Variants in POC5 observed in about 807,000 individuals in gnomAD.
The protein encoded by POC5 is centrosomal protein POC5.
Under a neutral mutation model 62.9 loss-of-function variants are expected in POC5, and 48 were observed. The observed-to-expected ratio is 0.76, with a 90% CI of 0.61 to 0.97. The LOEUF (loss-of-function observed/expected upper bound fraction) is 0.97. Among genes scored for constraint, POC5 ranks in the 50% least tolerant of loss-of-function variants. The probability of loss-of-function intolerance (pLI) is 0.00; values close to 1 mark genes in which losing one functional copy is unlikely to be tolerated. For synonymous variants in POC5, 236 were observed against 228.2 expected, an observed-to-expected ratio of 1.03 and a Z score of -0.31; for missense variants, 696 against 679.5, an observed-to-expected ratio of 1.02 and a Z score of -0.27.
intron 6 of POC5, 144 bp from the exon 7 acceptor site, chr5:75,692,644 A>G (rs1024636830): frequency 1.7e-5 from 7 of 416,972 alleles, no homozygotes; most frequent in Non-Finnish European, 4.2e-6. Context: ...ATTATCTTTA[A>G]AAAGATGGTA....
In POC5 at chr5:75,685,345, G is replaced by A. The variant is rs571036542; in HGVS notation, c.1269C>T (p.Ala423=). 1.4e-5 allele frequency: 22 copies of A among 1,614,030 alleles called. No homozygotes were observed. Among genetic ancestry groups the A allele is most frequent in the East Asian group, 6.7e-5 (3 of 44,886 alleles). ...CGGCAGTCGCGCTGGCTCCTCCGAC[G>A]GCGGCTGGTGGGGATGGCAGCAGTG... ...TSPLLPSPPA[A]VGGASATAVP... The change falls in exon 10 of 12, where the codon GCC becomes GCT. Residue 423 remains alanine (A), a synonymous_variant. Transcript: ENST00000428202.
chr5:75,706,732 G>A (rs1198613421), intron 3 of POC5, among the ~76,000 whole-genome samples: 1 of 151,906 alleles, frequency 6.6e-6, no homozygotes, highest in Non-Finnish European at 1.5e-5. Flanking sequence ...TAATTTTTTT[G>A]TAGAGCTAGG....
At chr5:75,699,199 T>G (rs1290561550) in intron 5 of POC5, among the ~76,000 whole-genome samples, 1 of 152,008 alleles carries the variant, frequency 6.6e-6, no homozygotes, top group Non-Finnish European at 1.5e-5. Context: ...AAAGAGGGAA[T>G]CCTCCCTAAC....
chr5:75,707,621 C>T, intron 3 of POC5, 116 bp downstream of exon 3: 1 of 786,870 alleles, frequency 1.3e-6, no homozygotes, highest in Non-Finnish European at 2.0e-6. Flanking sequence ...TACTAATACA[C>T]ATAAATGGTT....
At chr5:75,680,571 G>A (rs1247668505) in intron 10 of POC5, among the ~76,000 whole-genome samples, 1 of 151,982 alleles carries the variant, frequency 6.6e-6, no homozygotes, top group East Asian at 1.9e-4. Context: ...TTTGTCACTT[G>A]TACTTGTTAA....
At chr5:75,685,068 C>T (rs1047453992) in intron 10 of POC5, 139 bp downstream of exon 10, 26 of 892,190 alleles carry the variant, frequency 2.9e-5, no homozygotes, top group Non-Finnish European at 3.6e-5. Context: ...GGGGTTTCAC[C>T]GTGTTAGCCA....
chr5:75,690,182 A>T (rs758297719), intron 8 of POC5, among the ~76,000 whole-genome samples: 4 of 152,190 alleles, frequency 2.6e-5, no homozygotes, highest in Non-Finnish European at 5.9e-5. Context: ...CCCAACTAAT[A>T]ATTTCAATTT....
At chr5:75,700,030 C>T (rs908361095) in intron 5 of POC5, among the ~76,000 whole-genome samples, 3 of 151,712 alleles carry the variant, frequency 2.0e-5, no homozygotes, top group African/African-American at 4.8e-5. Context: ...AGGACCTCTT[C>T]AAGGAGAACT....
intron 4 of POC5, chr5:75,705,270 T>C (rs1289046150): frequency 6.6e-6 from 1 of 152,466 alleles, no homozygotes; most frequent in Non-Finnish European, 1.5e-5. Flanking sequence ...AATCTTCCCT[T>C]TTAACAAAGA....
At chr5:75,705,020 T>C (rs1433671916) in intron 4 of POC5, among the ~76,000 whole-genome samples, 1 of 151,988 alleles carries the variant, frequency 6.6e-6, no homozygotes, top group Non-Finnish European at 1.5e-5. Flanking sequence ...GGCAACATAG[T>C]GAGATCCCAC....
intron 5 of POC5, among the ~76,000 whole-genome samples, chr5:75,701,600 TG>T (rs1385032898): frequency 7.0e-6 from 1 of 143,256 alleles, no homozygotes; most frequent in Non-Finnish European, 1.5e-5. Context: ...GGGATAGCAT[TG>T]GGAGATATAC....
chr5:75,708,321 T>G (rs1777207388), intron 2 of POC5, among the ~76,000 whole-genome samples: 1 of 152,150 alleles, frequency 6.6e-6, no homozygotes, highest in Admixed American at 6.5e-5. Flanking sequence ...CACCCCAGCC[T>G]GGGTGACAGA....
chr5:75,679,798 C>G (rs1311419843), intron 10 of POC5, among the ~76,000 whole-genome samples: 2 of 151,922 alleles, frequency 1.3e-5, no homozygotes, highest in African/African-American at 2.4e-5. Context: ...ATCAGGAGGC[C>G]AAGTCCTCTT....
intron 10 of POC5, 36 bp from the exon 11 acceptor site, chr5:75,677,986 G>T: frequency 7.0e-7 from 1 of 1,425,428 alleles, no homozygotes; most frequent in Non-Finnish European, 9.3e-7. Flanking sequence ...GTAACAAGGT[G>T]GCAGAAAATC....
intron 1 of POC5, among the ~76,000 whole-genome samples, chr5:75,713,255 G>C (rs186129098): frequency 3.3e-5 from 5 of 150,970 alleles, no homozygotes; most frequent in Non-Finnish European, 7.4e-5. Flanking sequence ...CCTGGGTGCT[G>C]TGTACTTTCC....
intron 4 of POC5, 55 bp downstream of exon 4, chr5:75,705,649 C>T (rs1777084470): frequency 1.8e-6 from 2 of 1,117,864 alleles, no homozygotes. Flanking sequence ...AGATAATATT[C>T]ATCAAACCAC....
At chr5:75,706,558 G>C (rs368099440) in intron 3 of POC5, among the ~76,000 whole-genome samples, 3 of 147,154 alleles carry the variant, frequency 2.0e-5, no homozygotes, top group South Asian at 4.4e-4. Flanking sequence ...ACAGCATCTC[G>C]AAAGTTTTTT....
chr5:75,706,682 G>T (rs1777135219), intron 3 of POC5, among the ~76,000 whole-genome samples: 1 of 151,790 alleles, frequency 6.6e-6, no homozygotes, highest in Non-Finnish European at 1.5e-5. Flanking sequence ...TCCCACCCCA[G>T]CCTCCCAAGG....
At chr5:75,678,620 G>A (rs1209736588) in intron 10 of POC5, among the ~76,000 whole-genome samples, 1 of 148,860 alleles carries the variant, frequency 6.7e-6, no homozygotes, top group Non-Finnish European at 1.5e-5. Flanking sequence ...TTTTTTTTAC[G>A]AGGTAATACA....
Sources: gnomAD v4.1 joint callset for allele counts (sites outside exome capture counted in the v4.1 genomes callset) on GRCh38, gnomAD v4.1.1 for gene constraint, MANE v1.5 for transcripts, NCBI Gene and HGNC (gene_info 2026-07-23, HGNC 2026-07-21) for gene names.